The following IRAK2 variants were observed in gnomAD, a reference collection of about 807,000 sequenced individuals.
IRAK2 encodes the protein interleukin 1 receptor associated kinase 2, also known as interleukin-1 receptor-associated kinase-like 2.
In IRAK2, 57 loss-of-function variants were observed where a neutral mutation model predicts 72.0. The ratio of observed to expected loss-of-function variants is 0.79; its 90% CI spans 0.64 to 0.99. The LOEUF is 0.99. Ranked by LOEUF, IRAK2 falls within the 50% of genes least tolerant of loss-of-function variation. The probability of loss-of-function intolerance (pLI) is 0.00; values close to 1 mark genes in which losing one functional copy is unlikely to be tolerated. For missense variants in IRAK2, 790 were observed against 794.4 expected (o/e 0.99, Z 0.07); for synonymous variants, 293 against 312.7 (o/e 0.94, Z 0.67).
chr3:10,224,072 C>G (rs1038229487), intron 9 of IRAK2, among the ~76,000 whole-genome samples: 1 of 152,148 alleles, frequency 6.6e-6, no homozygotes, highest in Non-Finnish European at 1.5e-5. Flanking sequence ...AGTGGTGGCA[C>G]ATGCCTAAAA....
rs1696691803 is a variant in IRAK2 at position 10,166,563 on chromosome 3, G to T, written c.94+1515G>T. 2.0e-5 allele frequency among the ~76,000 whole-genome samples: 3 copies of T among 152,178 alleles called. No homozygotes were observed. The South Asian group carries it at 6.2e-4, about 31-fold the overall frequency. ...ATGATAATTATAGCTTCTTCATAAA[G>T]TTGTGAGGAATGAAAATACTGTATA... is the stretch of plus-strand genomic sequence containing the variant. On this transcript the variant is annotated intron_variant, in intron 1 of 12. Coordinates refer to ENST00000256458, the MANE Select transcript of IRAK2 (RefSeq NM_001570.4).
At chr3:10,188,438 G>A (rs771997882) in intron 2 of IRAK2, among the ~76,000 whole-genome samples, 1 of 152,176 alleles carries the variant, frequency 6.6e-6, no homozygotes, top group Non-Finnish European at 1.5e-5. Flanking sequence ...GGGTTCAAGC[G>A]ATCCTTGTGC....
intron 3 of IRAK2, among the ~76,000 whole-genome samples, chr3:10,203,538 A>T (rs924595073): frequency 1.4e-4 from 21 of 152,244 alleles, no homozygotes; most frequent in South Asian, 2.1e-4. Flanking sequence ...GGAGTGAAGT[A>T]TACTGAGCCC....
At chr3:10,197,393 A>G (rs950970836) in intron 2 of IRAK2, among the ~76,000 whole-genome samples, 27 of 151,842 alleles carry the variant, frequency 1.8e-4, no homozygotes, top group East Asian at 3.9e-4. Context: ...TCAAAAAAAA[A>G]AAAAAGAAAA....
intron 3 of IRAK2, among the ~76,000 whole-genome samples, chr3:10,205,690 G>T (rs1697423956): frequency 6.6e-6 from 1 of 152,196 alleles, no homozygotes; most frequent in South Asian, 2.1e-4. Context: ...ACAGAACCTG[G>T]GTGTTAGCAC....
chr3:10,178,069 C>G (rs763063034), intron 2 of IRAK2, 49 bp downstream of exon 2: 2 of 1,447,858 alleles, frequency 1.4e-6, no homozygotes, highest in Non-Finnish European at 1.9e-6. Context: ...CGCTCCTGAG[C>G]AGTTTCCATC....
chr3:10,214,332 C>G (rs370767454), intron 6 of IRAK2, among the ~76,000 whole-genome samples: 78 of 151,414 alleles, frequency 5.2e-4, no homozygotes, highest in African/African-American at 1.8e-3. Flanking sequence ...GGCTGGTGAT[C>G]CTCCCACCTC....
At chr3:10,218,191 A>C (rs1287519892) in intron 7 of IRAK2, among the ~76,000 whole-genome samples, 1 of 152,172 alleles carries the variant, frequency 6.6e-6, no homozygotes, top group Non-Finnish European at 1.5e-5. Flanking sequence ...TGGGAAGCCG[A>C]GGTGGGTGGA....
intron 9 of IRAK2, among the ~76,000 whole-genome samples, chr3:10,223,229 A>G (rs1355009311): frequency 6.6e-6 from 1 of 152,082 alleles, no homozygotes; most frequent in Non-Finnish European, 1.5e-5. Flanking sequence ...CCAGCCATCC[A>G]CTTGTCCATC....
chr3:10,203,456 T>C (rs1478841145), intron 3 of IRAK2, among the ~76,000 whole-genome samples: 2 of 152,232 alleles, frequency 1.3e-5, no homozygotes, highest in African/African-American at 4.8e-5. Context: ...GCTTGTCTTC[T>C]TTCGGGAAAA....
chr3:10,184,727 T>TGG (rs1559441177), intron 2 of IRAK2, among the ~76,000 whole-genome samples: 10 of 53,918 alleles, frequency 1.9e-4, no homozygotes, highest in East Asian at 1.3e-3. Flanking sequence ...TTGTGTGTTT[T>TGG]TTTTTTTTTT....
At chr3:10,179,770 A>G (rs767100712) in intron 2 of IRAK2, among the ~76,000 whole-genome samples, 8 of 151,888 alleles carry the variant, frequency 5.3e-5, no homozygotes, top group Non-Finnish European at 1.0e-4. Flanking sequence ...GGGTTTCACT[A>G]TGTTGACCAG....
chr3:10,210,935 T>C (rs185260863), intron 4 of IRAK2, among the ~76,000 whole-genome samples: 1 of 152,260 alleles, frequency 6.6e-6, no homozygotes, highest in East Asian at 1.9e-4. Flanking sequence ...TCTTGGTCAC[T>C]GTAACCTCTG....
chr3:10,219,581 G>T (rs1163669418), intron 7 of IRAK2, 99 bp from the exon 8 acceptor site: 6 of 799,470 alleles, frequency 7.5e-6, no homozygotes, highest in South Asian at 3.1e-5. Context: ...GCCTCCCAGT[G>T]TGCTGGGATT....
chr3:10,184,887 G>A (rs1443360230), intron 2 of IRAK2, among the ~76,000 whole-genome samples: 3 of 144,522 alleles, frequency 2.1e-5, no homozygotes, highest in South Asian at 2.1e-4. Flanking sequence ...CCGCCACCAT[G>A]CCCGGCTATT....
At chr3:10,219,658 CT>C in intron 7 of IRAK2, 21 bp from the exon 8 acceptor site, 1 of 1,577,250 alleles carries the variant, frequency 6.3e-7, no homozygotes, top group Non-Finnish European at 8.7e-7. Context: ...ACTATTTGTC[CT>C]CCTGCTTTTC....
In IRAK2 at chr3:10,236,990, G is replaced by C. The variant is rs183049132; in HGVS notation, c.1474-1758G>C. 1.4e-4 allele frequency among the ~76,000 whole-genome samples: 21 copies of C among 152,306 alleles called. No homozygotes were observed. In the South Asian group the frequency reaches 1.9e-3, roughly 14 times the overall value. On this transcript the variant is annotated intron_variant, in intron 11 of 12. Coordinates refer to ENST00000256458, the MANE Select transcript of IRAK2 (RefSeq NM_001570.4). Reference sequence around the variant, plus strand: ...GGCTTCCATGTCAGGGTCTAAGATGGCTGCTGTTGCTCAGGCCATCACACC... The same window carrying C: ...GGCTTCCATGTCAGGGTCTAAGATGCCTGCTGTTGCTCAGGCCATCACACC...
At chr3:10,210,726 T>C (rs1697504707) in intron 4 of IRAK2, among the ~76,000 whole-genome samples, 2 of 152,022 alleles carry the variant, frequency 1.3e-5, no homozygotes, top group South Asian at 4.1e-4. Flanking sequence ...ATCTCTAAAT[T>C]AATAAATAGA....
At chr3:10,189,283 C>T (rs944250572) in intron 2 of IRAK2, among the ~76,000 whole-genome samples, 1 of 151,986 alleles carries the variant, frequency 6.6e-6, no homozygotes, top group South Asian at 2.1e-4. Flanking sequence ...CATATCTAGC[C>T]GGGGGGAGCA....
Sources: allele counts gnomAD v4.1 joint callset (sites outside exome capture counted in the v4.1 genomes callset), GRCh38; gene constraint gnomAD v4.1.1; transcripts MANE v1.5; gene names NCBI Gene and HGNC (gene_info 2026-07-23, HGNC 2026-07-21).